Variants in UNC13C observed in about 807,000 individuals in gnomAD.
UNC13C encodes the protein protein unc-13 homolog C.
A neutral mutation model predicts 245.4 loss-of-function variants in UNC13C; 174 were observed. That is an observed-to-expected ratio of 0.71 (90% CI 0.63 to 0.80). The LOEUF (loss-of-function observed/expected upper bound fraction) is 0.80, where lower values mean the gene tolerates loss of function less well. Among genes scored for constraint, UNC13C ranks in the 30% least tolerant of loss-of-function variants. UNC13C has a pLI of 0.00. For missense variants in UNC13C, 2,829 were observed against 2,602.9 expected, an observed-to-expected ratio of 1.09 and a Z score of -1.89; for synonymous variants, 992 against 895.1, an observed-to-expected ratio of 1.11 and a Z score of -1.93.
In UNC13C at chr15:54,014,903, G is replaced by A; in HGVS notation, c.2000G>A (p.Gly667Asp). ...WKEWNQGADL[G>D]LDSSTQEGFD... ...GAATGGAATCAAGGAGCTGATTTAG[G>A]CTTGGATTCATCCACCCAGGAAGGT... Residue 667 changes from glycine to aspartate, a missense_variant, in exon 2 of 33, where the codon GGC becomes GAC. Physicochemically the swap from Gly to Asp is moderately conservative, Grantham distance 94. Coordinates refer to ENST00000260323, the MANE Select transcript of UNC13C (RefSeq NM_001080534.3). The A allele has an allele frequency of 1.2e-6, 2 of 1,613,898 alleles. No homozygotes were observed. The highest frequency in any genetic ancestry group is 1.7e-6 in the Non-Finnish European group (2 of 1,179,840).
At position 54,293,940 on chromosome 15, in the gene UNC13C, T is replaced by A; in HGVS notation, c.3864T>A (p.Asp1288Glu). The change falls in exon 11 of 33, where the codon GAT becomes GAA. Residue 1288 changes from aspartate (D) to glutamate (E), a missense_variant. Physicochemically the swap from Asp to Glu is conservative, Grantham distance 45. Transcript: ENST00000260323. ...ATCGAATCAAAGTCAGAGTATGGGA[T>A]GAAGATGATGATATTAAATCCAGAG... ...STDRIKVRVW[D>E]EDDDIKSRVK... 2 of 1,589,080 alleles carry A rather than the reference T, an allele frequency of 1.3e-6. No individual in the cohort carries two copies. Among genetic ancestry groups the A allele is most frequent in the Non-Finnish European group, 1.7e-6 (2 of 1,169,864 alleles).
intron 10 of UNC13C, among the ~76,000 whole-genome samples, chr15:54,270,056 C>A (rs2036645632): frequency 6.6e-6 from 1 of 152,162 alleles, no homozygotes; most frequent in South Asian, 2.1e-4. Flanking sequence ...TTTCTGTCAT[C>A]AGTTTCCTGA....
chr15:53,843,415 G>C, the UNC13C span, among the ~76,000 whole-genome samples: 4 of 152,128 alleles, frequency 2.6e-5, no homozygotes, highest in Non-Finnish European at 5.9e-5. Context: ...TGAGCTGTGA[G>C]CGTGCCACTG....
At chr15:54,576,278 A>G (rs1897952265) in intron 30 of UNC13C, among the ~76,000 whole-genome samples, 1 of 152,086 alleles carries the variant, frequency 6.6e-6, no homozygotes, top group African/African-American at 2.4e-5. Context: ...ACTGTCTCAC[A>G]CTCGTTTTCA....
the UNC13C span, among the ~76,000 whole-genome samples, chr15:53,874,204 A>G: frequency 6.6e-6 from 1 of 152,074 alleles, no homozygotes; most frequent in South Asian, 2.1e-4. Flanking sequence ...CATGTTTCTT[A>G]TAGTAAAAAT....
intron 6 of UNC13C, 112 bp downstream of exon 6, chr15:54,236,547 A>T (rs2035706230): frequency 2.4e-6 from 2 of 827,320 alleles, no homozygotes; most frequent in South Asian, 3.8e-5. Context: ...AGACAGACAT[A>T]CAAGAATAAG....
At chr15:53,857,051 T>G in the UNC13C span, among the ~76,000 whole-genome samples, 1 of 152,170 alleles carries the variant, frequency 6.6e-6, no homozygotes, top group South Asian at 2.1e-4. Context: ...CCACCTCAGC[T>G]TCCCAAAGTG....
intron 8 of UNC13C, among the ~76,000 whole-genome samples, chr15:54,257,000 G>A (rs1156573199): frequency 6.6e-6 from 1 of 152,172 alleles, no homozygotes; most frequent in African/African-American, 2.4e-5. Context: ...ATGTAGCCTA[G>A]CTATGAGTAC....
At chr15:53,894,228 T>A in the UNC13C span, among the ~76,000 whole-genome samples, 1 of 152,230 alleles carries the variant, frequency 6.6e-6, no homozygotes, top group African/African-American at 2.4e-5. Context: ...AATGCAGAAA[T>A]CACCCACCTT....
At chr15:54,178,529 A>C (rs1008126343) in intron 4 of UNC13C, among the ~76,000 whole-genome samples, 3 of 152,182 alleles carry the variant, frequency 2.0e-5, no homozygotes, top group Non-Finnish European at 4.4e-5. Flanking sequence ...GTTCCTAGAA[A>C]CAGCTGTGGA....
chr15:53,990,073 G>T (rs1250678706), intron 1 of UNC13C, among the ~76,000 whole-genome samples: 12 of 151,948 alleles, frequency 7.9e-5, no homozygotes, highest in African/African-American at 2.7e-4. Context: ...AAAGCTAAAC[G>T]GGCCATGATA....
chr15:53,970,135 C>G, the UNC13C span, among the ~76,000 whole-genome samples: 1 of 151,834 alleles, frequency 6.6e-6, no homozygotes, highest in Non-Finnish European at 1.5e-5. Context: ...ACTCCTCACT[C>G]CAACCTTTGC....
chr15:53,883,763 G>A, the UNC13C span, among the ~76,000 whole-genome samples: 19 of 152,148 alleles, frequency 1.2e-4, no homozygotes, highest in Non-Finnish European at 1.8e-4. Context: ...AAAAATCCTC[G>A]GGCTTGATTT....
intron 26 of UNC13C, among the ~76,000 whole-genome samples, chr15:54,543,794 C>A (rs1051933932): frequency 1.1e-4 from 17 of 152,000 alleles, no homozygotes; most frequent in African/African-American, 4.1e-4. Context: ...GAAACTGAGG[C>A]AGTAATTAAT....
At chr15:54,023,818 T>C (rs544429258) in intron 2 of UNC13C, among the ~76,000 whole-genome samples, 1 of 152,202 alleles carries the variant, frequency 6.6e-6, no homozygotes. Flanking sequence ...GTACTAGGAA[T>C]GTTGTTGCAA....
At chr15:54,357,848 A>G (rs564621000) in intron 17 of UNC13C, among the ~76,000 whole-genome samples, 10 of 151,832 alleles carry the variant, frequency 6.6e-5, no homozygotes, top group Non-Finnish European at 1.2e-4. Flanking sequence ...AAACACACAC[A>G]TATATGTGTG....
At chr15:53,849,090 ATG>A in the UNC13C span, among the ~76,000 whole-genome samples, 4 of 151,516 alleles carry the variant, frequency 2.6e-5, no homozygotes, top group African/African-American at 9.7e-5. Flanking sequence ...GAATTTATAT[ATG>A]TATTTTTATA....
intron 1 of UNC13C, among the ~76,000 whole-genome samples, chr15:53,995,143 G>T (rs79361139): frequency 0.025 from 3,778 of 152,114 alleles, 164 homozygotes; most frequent in East Asian, 0.19. Context: ...GATGTTAATG[G>T]TTATATAGAC....
chr15:54,039,211 A>G (rs1017475449), intron 2 of UNC13C, among the ~76,000 whole-genome samples: 6 of 151,984 alleles, frequency 3.9e-5, no homozygotes, highest in African/African-American at 1.5e-4. Flanking sequence ...CACTTATTTG[A>G]TTCTCTTAGT....
Sources: gnomAD v4.1 joint callset for allele counts (sites outside exome capture counted in the v4.1 genomes callset) on GRCh38, gnomAD v4.1.1 for gene constraint, MANE v1.5 for transcripts, NCBI Gene and HGNC (gene_info 2026-07-23, HGNC 2026-07-21) for gene names.